The following DNER variants were observed in gnomAD, a reference collection of about 807,000 sequenced individuals.
DNER encodes the protein delta/notch like EGF repeat containing.
A neutral mutation model predicts 78.2 loss-of-function variants in DNER; 33 were observed. The observed-to-expected ratio is 0.42, with a 90% confidence interval of 0.32 to 0.56. The LOEUF is 0.56. Ranked by LOEUF, DNER falls within the 20% of genes least tolerant of loss-of-function variation. The pLI is 0.11. For missense variants in DNER, 918 were observed against 975.3 expected, an observed-to-expected ratio of 0.94 and a Z score of 0.78; for synonymous variants, 417 against 384.8, an observed-to-expected ratio of 1.08 and a Z score of -0.98.
intron 6 of DNER, among the ~76,000 whole-genome samples, chr2:229,496,732 G>T (rs1321798290): frequency 6.6e-6 from 1 of 152,056 alleles, no homozygotes; most frequent in Non-Finnish European, 1.5e-5. Flanking sequence ...AATGACAAAG[G>T]GGTCAATTCA....
intron 5 of DNER, among the ~76,000 whole-genome samples, chr2:229,537,793 C>T (rs953417508): frequency 7.9e-5 from 12 of 151,700 alleles, no homozygotes; most frequent in African/African-American, 2.7e-4. Context: ...TTTTAGGGTA[C>T]ATGTGCACAA....
At chr2:229,520,914 C>T (rs1475943638) in intron 5 of DNER, among the ~76,000 whole-genome samples, 1 of 152,158 alleles carries the variant, frequency 6.6e-6, no homozygotes, top group Non-Finnish European at 1.5e-5. Flanking sequence ...AGCATATTTC[C>T]CTCCAAACAA....
intron 6 of DNER, among the ~76,000 whole-genome samples, chr2:229,483,395 A>C (rs887077219): frequency 6.6e-6 from 1 of 152,224 alleles, no homozygotes; most frequent in Non-Finnish European, 1.5e-5. Context: ...TGTCTGGTTT[A>C]AGCTAATCTG....
intron 1 of DNER, among the ~76,000 whole-genome samples, chr2:229,684,132 GTGTC>G (rs3085636): frequency 0.11 from 16,180 of 141,842 alleles, 990 homozygotes; most frequent in East Asian, 0.29. Flanking sequence ...GTTTGTGTGT[GTGTC>G]TGTGTATGTG....
chr2:229,459,633 A>G lies in DNER; in HGVS notation c.1262-12093T>C, dbSNP rs1019930985. Among the ~76,000 whole-genome samples, 5 of 152,062 alleles carry G rather than the reference A, an allele frequency of 3.3e-5. No individual in the cohort carries two copies. In the East Asian group the frequency reaches 5.8e-4, roughly 18 times the overall value. On this transcript the variant is annotated intron_variant, in intron 7 of 12. Coordinates refer to ENST00000341772, the MANE Select transcript of DNER (RefSeq NM_139072.4). ...TAGTAACTGGGAAAAATAACATTCA[A>G]TCAGGTTTGTCTGACTCCAAATCTG...
chr2:229,515,235 A>G (rs770059018), intron 5 of DNER, among the ~76,000 whole-genome samples: 1 of 152,202 alleles, frequency 6.6e-6, no homozygotes, highest in Non-Finnish European at 1.5e-5. Flanking sequence ...TTTTTAAAAC[A>G]GGAAACTCCT....
intron 1 of DNER, among the ~76,000 whole-genome samples, chr2:229,623,690 G>A (rs555391008): frequency 2.6e-5 from 4 of 152,186 alleles, no homozygotes; most frequent in Non-Finnish European, 1.5e-5. Context: ...CTGGGAGGTG[G>A]GCACAGAGCT....
chr2:229,372,879 T>C (rs1305301791), intron 11 of DNER, among the ~76,000 whole-genome samples: 1 of 151,902 alleles, frequency 6.6e-6, no homozygotes, highest in African/African-American at 2.4e-5. Flanking sequence ...GATAGGCCAA[T>C]GAGGGGAGAG....
chr2:229,440,435 C>T (rs2106359162), intron 8 of DNER, among the ~76,000 whole-genome samples: 1 of 152,282 alleles, frequency 6.6e-6, no homozygotes, highest in East Asian at 1.9e-4. Flanking sequence ...CCTGCAACCT[C>T]CCGACCTCCC....
At chr2:229,494,000 T>C (rs1695454355) in intron 6 of DNER, among the ~76,000 whole-genome samples, 1 of 152,194 alleles carries the variant, frequency 6.6e-6, no homozygotes, top group East Asian at 1.9e-4. Flanking sequence ...TTCGGGTTCA[T>C]ATAACTTCGG....
At chr2:229,423,206 C>T (rs990804388) in intron 8 of DNER, among the ~76,000 whole-genome samples, 10 of 152,158 alleles carry the variant, frequency 6.6e-5, no homozygotes, top group Admixed American at 6.5e-4. Flanking sequence ...AATGCCTCCT[C>T]ATTCTTCACA....
At chr2:229,545,150 G>T (rs1480277947) in intron 5 of DNER, among the ~76,000 whole-genome samples, 1 of 152,190 alleles carries the variant, frequency 6.6e-6, no homozygotes, top group Admixed American at 6.5e-5. Flanking sequence ...AAGAAAAGGT[G>T]CTGGAGATGG....
intron 6 of DNER, among the ~76,000 whole-genome samples, chr2:229,491,510 T>C (rs905559737): frequency 2.6e-5 from 4 of 152,216 alleles, no homozygotes; most frequent in African/African-American, 7.2e-5. Context: ...ACACAGATCA[T>C]AGCACTTGTG....
At chr2:229,558,525 C>T (rs557027525) in intron 4 of DNER, among the ~76,000 whole-genome samples, 12 of 152,266 alleles carry the variant, frequency 7.9e-5, no homozygotes, top group East Asian at 3.9e-4. Context: ...ATGTAAAATT[C>T]GAGTTATTTC....
intron 8 of DNER, among the ~76,000 whole-genome samples, chr2:229,443,295 A>G (rs1395420487): frequency 6.6e-6 from 1 of 152,184 alleles, no homozygotes; most frequent in African/African-American, 2.4e-5. Flanking sequence ...TACAGCTATT[A>G]TCTGCAGAGG....
chr2:229,519,757 G>A (rs1355856194), intron 5 of DNER, among the ~76,000 whole-genome samples: 4 of 152,158 alleles, frequency 2.6e-5, no homozygotes, highest in Non-Finnish European at 5.9e-5. Context: ...CAAAACTCTG[G>A]CTAATGAGTT....
chr2:229,713,460 C>T (rs752419695), intron 1 of DNER, among the ~76,000 whole-genome samples: 1 of 152,216 alleles, frequency 6.6e-6, no homozygotes, highest in Non-Finnish European at 1.5e-5. Context: ...GCGTGCGCCC[C>T]GTGGAGCGTC....
chr2:229,392,773 A>G (rs1413346612), intron 10 of DNER, among the ~76,000 whole-genome samples: 2 of 152,158 alleles, frequency 1.3e-5, no homozygotes, highest in African/African-American at 2.4e-5. Context: ...CAAAATGTAC[A>G]ACAAACCTTG....
At chr2:229,529,968 T>C (rs1228221733) in intron 5 of DNER, among the ~76,000 whole-genome samples, 4 of 151,524 alleles carry the variant, frequency 2.6e-5, no homozygotes, top group African/African-American at 9.7e-5. Context: ...CATCACTACA[T>C]GCCAGCATGG....
Sources: allele counts gnomAD v4.1 joint callset (sites outside exome capture counted in the v4.1 genomes callset), GRCh38; gene constraint gnomAD v4.1.1; transcripts MANE v1.5; gene names NCBI Gene and HGNC (gene_info 2026-07-23, HGNC 2026-07-21).